SIPA1L2: variants seen among roughly 807,000 people sequenced by gnomAD.
SIPA1L2 encodes the protein signal induced proliferation associated 1 like 2.
In SIPA1L2, 56 loss-of-function variants were observed where a neutral mutation model predicts 163.9. That is an observed-to-expected ratio of 0.34 (90% CI 0.28 to 0.43). SIPA1L2 has a LOEUF of 0.43. Among genes scored for constraint, SIPA1L2 ranks in the 20% least tolerant of loss-of-function variants. The probability of loss-of-function intolerance (pLI) is 1.00; values close to 1 mark genes in which losing one functional copy is unlikely to be tolerated. For missense variants in SIPA1L2, 1,974 were observed against 2,193.5 expected (o/e 0.90, Z 2.00); for synonymous variants, 877 against 865.7 (o/e 1.01, Z -0.23).
rs186606763 is a variant in SIPA1L2, at chr1:232,509,102, G to C, written c.1483+4755C>G. Among the ~76,000 whole-genome samples the C allele has an allele frequency of 1.4e-3, 215 of 152,310 alleles. 2 individuals carry two copies. Among genetic ancestry groups the C allele is most frequent in the African/African-American group, 4.9e-3 (204 of 41,570 alleles). On this transcript the variant is annotated intron_variant, in intron 3 of 22. Transcript: ENST00000674635. ...GCGAGACTCTGTCTTCAAGAAAAAA[G>C]AAAAGCTATTTCACTGAAAGCTACA...
chr1:232,600,947 A>G (rs987142143), intron 1 of SIPA1L2, among the ~76,000 whole-genome samples: 10 of 152,232 alleles, frequency 6.6e-5, no homozygotes, highest in Admixed American at 5.9e-4. Context: ...CTGTGTCACG[A>G]CAAAAATACT....
At position 232,452,412 on chromosome 1, in the gene SIPA1L2, C is replaced by A. The variant is rs1386426695; in HGVS notation, c.3096-6626G>T. ...CAACTTCAGAGGCACCCAGGAAGGCCCCCACAGTTAACAGACACCACGGTC... is the reference window on the plus strand; with the variant it reads ...CAACTTCAGAGGCACCCAGGAAGGCACCCACAGTTAACAGACACCACGGTC... On this transcript the variant is annotated intron_variant, in intron 10 of 22. Transcript: ENST00000674635. Among the ~76,000 whole-genome samples the A allele has an allele frequency of 2.6e-5, 4 of 151,516 alleles. No homozygotes were observed. In the East Asian group the frequency reaches 7.8e-4, roughly 29 times the overall value.
chr1:232,436,697 C>T (rs1470929622), intron 15 of SIPA1L2, among the ~76,000 whole-genome samples: 6 of 152,178 alleles, frequency 3.9e-5, no homozygotes, highest in Non-Finnish European at 5.9e-5. Context: ...GTTGGTCCCT[C>T]GTCCTCTAAT....
chr1:232,494,864 C>T (rs1437870003), intron 3 of SIPA1L2, among the ~76,000 whole-genome samples: 1 of 152,164 alleles, frequency 6.6e-6, no homozygotes, highest in Admixed American at 6.5e-5. Context: ...TCTTAATGAA[C>T]TGCTGCCAGG....
intron 2 of SIPA1L2, among the ~76,000 whole-genome samples, chr1:232,524,031 G>A (rs1667574524): frequency 6.6e-6 from 1 of 152,116 alleles, no homozygotes; most frequent in African/African-American, 2.4e-5. Context: ...CACACTGAAA[G>A]CCATCTTTGC....
intron 2 of SIPA1L2, among the ~76,000 whole-genome samples, chr1:232,521,567 A>G (rs967345090): frequency 2.0e-5 from 3 of 152,190 alleles, no homozygotes; most frequent in Non-Finnish European, 4.4e-5. Context: ...TGTCACAGTC[A>G]CTGCTTCTAC....
chr1:232,406,598 T>C (rs569358621), intron 19 of SIPA1L2, among the ~76,000 whole-genome samples: 2 of 151,432 alleles, frequency 1.3e-5, no homozygotes, highest in African/African-American at 4.9e-5. Context: ...CAAGGCTGGA[T>C]TGGTGGGGGT....
intron 10 of SIPA1L2, among the ~76,000 whole-genome samples, chr1:232,453,092 A>T (rs1236312256): frequency 2.0e-5 from 3 of 152,234 alleles, no homozygotes; most frequent in Non-Finnish European, 2.9e-5. Context: ...AAAATCTTTA[A>T]AGCTGTAAAA....
At chr1:232,418,030 T>A (rs184381891) in intron 18 of SIPA1L2, among the ~76,000 whole-genome samples, 1 of 152,220 alleles carries the variant, frequency 6.6e-6, no homozygotes, top group Non-Finnish European at 1.5e-5. Context: ...CTGTTCATCA[T>A]GTTTTACTAA....
intron 1 of SIPA1L2, among the ~76,000 whole-genome samples, chr1:232,607,978 T>A (rs1440840752): frequency 7.7e-6 from 1 of 130,346 alleles, no homozygotes; most frequent in Non-Finnish European, 1.5e-5. Context: ...TCACTCGAAC[T>A]GGGGAGGCGG....
At chr1:232,538,184 G>C (rs1657426688) in intron 2 of SIPA1L2, among the ~76,000 whole-genome samples, 1 of 152,156 alleles carries the variant, frequency 6.6e-6, no homozygotes, top group African/African-American at 2.4e-5. Context: ...ATCACGGTCA[G>C]GCCAGGATGG....
Position 232,479,693 on chromosome 1 carries a change from G to A in SIPA1L2, c.2019C>T (p.Tyr673=). 1.2e-6 allele frequency: 2 copies of A among 1,613,778 alleles called. No individual in the cohort carries two copies. The highest frequency in any genetic ancestry group is 1.7e-4 in the Middle Eastern group (1 of 6,058). ...STGTHSLYTT[Y]KDYELMFHVS... is the part of the protein sequence containing the mutation. ...CGTGGAACATGAGTTCGTAGTCTTT[G>A]TATGTGGTATAGAGAGAGTGCGTGC... is the stretch of plus-strand genomic sequence containing the variant. Residue 673 remains tyrosine, a synonymous_variant, in exon 7 of 23, where the codon TAC becomes TAT. Transcript: ENST00000674635.
rs757659382 is a variant in SIPA1L2 at position 232,428,407 on chromosome 1, T to A, written c.4410+4A>T. On this transcript the variant is annotated splice_donor_region_variant and intron_variant, in intron 17 of 22. Coordinates refer to ENST00000674635, the MANE Select transcript of SIPA1L2 (RefSeq NM_020808.5). ...GTAACTTCAAAGCTCCCTAAGTCACTAACCTTTCTTCGCCCCTCCTCCACT... is the reference window on the plus strand; with the variant it reads ...GTAACTTCAAAGCTCCCTAAGTCACAAACCTTTCTTCGCCCCTCCTCCACT... 2.5e-5 allele frequency: 33 copies of A among 1,316,984 alleles called. No individual in the cohort carries two copies. Among genetic ancestry groups the A allele is most frequent in the Non-Finnish European group, 3.4e-5 (33 of 983,962 alleles). The allele number at this position is 1,316,984 out of a possible 1,614,324, so 81.6% of individuals were successfully genotyped here.
At chr1:232,626,804 G>A (rs781747823) in intron 1 of SIPA1L2, among the ~76,000 whole-genome samples, 7 of 152,074 alleles carry the variant, frequency 4.6e-5, no homozygotes, top group African/African-American at 1.7e-4. Flanking sequence ...ACTCTAATGC[G>A]TTCGTCTTAA....
chr1:232,509,541 C>T (rs530268590), intron 3 of SIPA1L2, among the ~76,000 whole-genome samples: 2 of 152,284 alleles, frequency 1.3e-5, no homozygotes, highest in South Asian at 2.1e-4. Context: ...TGCCAGTCTG[C>T]CCAGGCCCTC....
At chr1:232,576,125 G>C (rs1660065294) in intron 1 of SIPA1L2, among the ~76,000 whole-genome samples, 1 of 152,210 alleles carries the variant, frequency 6.6e-6, no homozygotes, top group Non-Finnish European at 1.5e-5. Context: ...CGTAACATCA[G>C]TGGACGTCTA....
intron 3 of SIPA1L2, among the ~76,000 whole-genome samples, chr1:232,502,755 T>C (rs892191129): frequency 2.4e-4 from 36 of 152,350 alleles, no homozygotes; most frequent in African/African-American, 8.7e-4. Context: ...GGGCTCACAA[T>C]GCTTTTGGTT....
At chr1:232,455,406 G>C (rs1425580104) in intron 10 of SIPA1L2, among the ~76,000 whole-genome samples, 1 of 152,176 alleles carries the variant, frequency 6.6e-6, no homozygotes, top group Non-Finnish European at 1.5e-5. Flanking sequence ...GGTTGGCCGG[G>C]TGCCGTGGCT....
chr1:232,625,335 T>C (rs1403483027), intron 1 of SIPA1L2, among the ~76,000 whole-genome samples: 4 of 152,198 alleles, frequency 2.6e-5, no homozygotes, highest in African/African-American at 4.8e-5. Flanking sequence ...GATCTAATAA[T>C]GTACAGACAG....
Sources: gnomAD v4.1 joint callset for allele counts (sites outside exome capture counted in the v4.1 genomes callset) on GRCh38, gnomAD v4.1.1 for gene constraint, MANE v1.5 for transcripts, NCBI Gene and HGNC (gene_info 2026-07-23, HGNC 2026-07-21) for gene names.